Variants in CD84 observed in about 807,000 individuals in gnomAD.
The protein encoded by CD84 is CD84 molecule.
CD84 carries 22 observed loss-of-function variants against 33.8 expected under a neutral mutation model. The ratio of observed to expected loss-of-function variants is 0.65; its 90% CI spans 0.46 to 0.93. The LOEUF (loss-of-function observed/expected upper bound fraction) is 0.93. Among genes scored for constraint, CD84 ranks in the 40% least tolerant of loss-of-function variants. CD84 has a pLI of 0.00. For missense variants in CD84, 400 were observed against 397.6 expected, an observed-to-expected ratio of 1.01 and a Z score of -0.05; for synonymous variants, 154 against 145.2, an observed-to-expected ratio of 1.06 and a Z score of -0.44.
intron 1 of CD84, chr1:160,570,918 A>G (rs767934912): frequency 6.6e-6 from 1 of 152,198 alleles, no homozygotes; most frequent in Non-Finnish European, 1.5e-5. Context: ...TGCTGTTTTC[A>G]TCTCTTCCTT....
chr1:160,554,013 C>G lies in CD84; in HGVS notation c.522G>C (p.Glu174Asp). The G allele has an allele frequency of 1.9e-6, 3 of 1,614,228 alleles. No homozygotes were observed. Among genetic ancestry groups the G allele is most frequent in the Non-Finnish European group, 2.5e-6 (3 of 1,180,038 alleles). The change falls in exon 3 of 7, where the codon GAG becomes GAC. Residue 174 changes from glutamate (E) to aspartate (D), a missense_variant. Coordinates refer to ENST00000368054, the MANE Select transcript of CD84 (RefSeq NM_003874.4). Reference protein sequence around the residue: ...VTYNWSPLGEEGNVLQIFQTP... With the variant: ...VTYNWSPLGEDGNVLQIFQTP... ...TCTGGAAGATTTGAAGGACATTACC[C>G]TCTTCTCCCAGGGGACTCCAATTGT...
At chr1:160,548,493 G>C (rs906346782) in intron 6 of CD84, among the ~76,000 whole-genome samples, 172 bp from the exon 7 acceptor site, 1 of 152,112 alleles carries the variant, frequency 6.6e-6, no homozygotes, top group African/African-American at 2.4e-5. Flanking sequence ...AGTCCCTCAT[G>C]TCTGCTCCAG....
chr1:160,572,416 G>C (rs1241748532), intron 1 of CD84, among the ~76,000 whole-genome samples: 1 of 152,170 alleles, frequency 6.6e-6, no homozygotes, highest in Non-Finnish European at 1.5e-5. Flanking sequence ...TTTGAACGTA[G>C]CTGTGTTATC....
intron 2 of CD84, among the ~76,000 whole-genome samples, chr1:160,557,472 G>C (rs571572087): frequency 6.6e-6 from 1 of 152,306 alleles, no homozygotes; most frequent in East Asian, 1.9e-4. Context: ...ATTTTAGTGG[G>C]TGACCTATAT....
intron 5 of CD84, 106 bp from the exon 6 acceptor site, chr1:160,550,085 C>T: frequency 1.2e-6 from 1 of 807,502 alleles, no homozygotes; most frequent in Non-Finnish European, 2.1e-6. Context: ...CCCACATTTA[C>T]TGGGTGGCCT....
chr1:160,551,582 C>T, intron 4 of CD84, among the ~76,000 whole-genome samples: 1 of 152,188 alleles, frequency 6.6e-6, no homozygotes, highest in East Asian at 1.9e-4. Flanking sequence ...CTCTGTCACC[C>T]ACGTTGGAGT....
Position 160,544,621 on chromosome 1 carries a change from G to A in CD84, c.*3635C>T, listed in dbSNP as rs534476564. On this transcript the variant is annotated 3_prime_UTR_variant, in exon 7 of 7. Transcript: ENST00000368054. ...CCTAAGAAGTGCTCTCTGTGGACAC[G>A]GCCCAAACCAGACAGGCCCCTTCCT... 3 of 152,034 alleles carry A rather than the reference G, an allele frequency of 2.0e-5. No homozygotes were observed. Among genetic ancestry groups the A allele is most frequent in the African/African-American group, 7.2e-5 (3 of 41,386 alleles). The allele number at this position is 152,034 out of a possible 1,614,324, so 9.4% of individuals were successfully genotyped here.
At chr1:160,567,421 G>A (rs983227619) in intron 1 of CD84, among the ~76,000 whole-genome samples, 17 of 152,174 alleles carry the variant, frequency 1.1e-4, no homozygotes, top group African/African-American at 4.1e-4. Context: ...CCGGGACAAG[G>A]CCTGAGGATT....
intron 4 of CD84, 145 bp downstream of exon 4, chr1:160,553,233 C>A (rs191152682): frequency 2.9e-5 from 37 of 1,296,322 alleles, no homozygotes; most frequent in Admixed American, 7.8e-5. Context: ...TCAGAGCCAT[C>A]ATTCTGGGAG....
intron 1 of CD84, among the ~76,000 whole-genome samples, chr1:160,575,435 G>A (rs1352869710): frequency 6.6e-6 from 1 of 151,822 alleles, no homozygotes; most frequent in Non-Finnish European, 1.5e-5. Context: ...TTTCCCCTGG[G>A]AGTTTTACTT....
intron 1 of CD84, 116 bp from the exon 2 acceptor site, chr1:160,565,861 C>T: frequency 1.3e-6 from 1 of 770,880 alleles, no homozygotes; most frequent in South Asian, 2.1e-5. Flanking sequence ...CACCCAGTTT[C>T]TTGAGGATGC....
At chr1:160,567,534 T>A (rs1657406636) in intron 1 of CD84, among the ~76,000 whole-genome samples, 1 of 152,176 alleles carries the variant, frequency 6.6e-6, no homozygotes, top group African/African-American at 2.4e-5. Context: ...AAACATTTAT[T>A]AACTGCTAAT....
rs548759179 is a variant in CD84 at position 160,544,536 on chromosome 1, A to T, written c.*3720T>A. 1 of 152,242 alleles carries T rather than the reference A, an allele frequency of 6.6e-6. No homozygotes were observed. The highest frequency in any genetic ancestry group is 2.1e-4 in the South Asian group (1 of 4,812). The allele number at this position is 152,242 out of a possible 1,614,324, so 9.4% of individuals were successfully genotyped here. A position where few individuals can be genotyped will look rare whatever the true frequency, so the allele number is the denominator to read the frequency against. On this transcript the variant is annotated 3_prime_UTR_variant, in exon 7 of 7. Coordinates refer to ENST00000368054, the MANE Select transcript of CD84 (RefSeq NM_003874.4). ...GGAAATTCAGAGAAAAGTCAAACAG[A>T]AGAAAAATAATGAGTCTGGAAGAAA... is the stretch of plus-strand genomic sequence containing the variant.
chr1:160,576,235 A>G (rs1022314653), intron 1 of CD84, among the ~76,000 whole-genome samples: 6 of 152,110 alleles, frequency 3.9e-5, no homozygotes, highest in African/African-American at 7.2e-5. Context: ...TAGTGAGCCC[A>G]CTCATTTCTT....
At chr1:160,561,169 G>A (rs1266555010) in intron 2 of CD84, among the ~76,000 whole-genome samples, 1 of 152,064 alleles carries the variant, frequency 6.6e-6, no homozygotes, top group Non-Finnish European at 1.5e-5. Flanking sequence ...TCATTCTGAG[G>A]CCATCATCAT....
At chr1:160,556,133 T>C (rs1291501029) in intron 2 of CD84, among the ~76,000 whole-genome samples, 2 of 152,106 alleles carry the variant, frequency 1.3e-5, no homozygotes, top group African/African-American at 4.8e-5. Context: ...GGGGTAGGTG[T>C]TGAGGTAGGG....
intron 1 of CD84, chr1:160,571,015 G>T (rs1348414806): frequency 6.6e-6 from 1 of 152,216 alleles, no homozygotes; most frequent in Non-Finnish European, 1.5e-5. Context: ...GAGGATGGTG[G>T]AGCAGGAAGA....
At chr1:160,556,863 C>G (rs6427531) in intron 2 of CD84, among the ~76,000 whole-genome samples, 7,575 of 152,130 alleles carry the variant, frequency 0.05, 643 homozygotes, top group African/African-American at 0.17. Flanking sequence ...GGTTAAAAAT[C>G]AATATCTTAA....
In CD84 at chr1:160,548,086, T is replaced by C; in HGVS notation, c.*170A>G. ...GGAAGGGTATGCATCCATTTGTCCATTTAGGCACAAGCTATGCCCAGCAGA... is the reference window on the plus strand; with the variant it reads ...GGAAGGGTATGCATCCATTTGTCCACTTAGGCACAAGCTATGCCCAGCAGA... On this transcript the variant is annotated 3_prime_UTR_variant, in exon 7 of 7. Coordinates refer to ENST00000368054, the MANE Select transcript of CD84 (RefSeq NM_003874.4). 2 of 659,644 alleles carry C rather than the reference T, an allele frequency of 3.0e-6. No individual in the cohort carries two copies. Among genetic ancestry groups the C allele is most frequent in the South Asian group, 3.7e-5 (2 of 54,262 alleles). The allele number at this position is 659,644 out of a possible 1,614,324, so 40.9% of individuals were successfully genotyped here. A position where few individuals can be genotyped will look rare whatever the true frequency, so the allele number is the denominator to read the frequency against.
Sources: allele counts gnomAD v4.1 joint callset (sites outside exome capture counted in the v4.1 genomes callset), GRCh38; gene constraint gnomAD v4.1.1; transcripts MANE v1.5; gene names NCBI Gene and HGNC (gene_info 2026-07-23, HGNC 2026-07-21).